SF3B1: variants seen among roughly 807,000 people sequenced by gnomAD.
SF3B1 encodes pre-mRNA processing 10.
In SF3B1, 12 loss-of-function variants were observed where a neutral mutation model predicts 153.8. That is an observed-to-expected ratio of 0.08 (90% CI 0.05 to 0.13). The LOEUF (loss-of-function observed/expected upper bound fraction) is 0.13. Among genes scored for constraint, SF3B1 ranks in the 10% least tolerant of loss-of-function variants. The pLI, the probability that SF3B1 is intolerant of heterozygous loss-of-function variation, is 1.00. For missense variants in SF3B1, 513 were observed against 1,606.1 expected, an observed-to-expected ratio of 0.32 and a Z score of 11.63; for synonymous variants, 498 against 525.2, an observed-to-expected ratio of 0.95 and a Z score of 0.71.
rs143163246 is a variant in SF3B1, at chr2:197,393,511, G to A, written c.3540-323C>T. On this transcript the variant is annotated intron_variant, in intron 23 of 24. Transcript: ENST00000335508. Reference sequence around the variant, plus strand: ...TCTGTCACCCAGACTGGAGTGCAGTGGTGTGATCTTGGCTCACTGCAACCT... The same window carrying A: ...TCTGTCACCCAGACTGGAGTGCAGTAGTGTGATCTTGGCTCACTGCAACCT... Among the ~76,000 whole-genome samples the A allele has an allele frequency of 9.2e-3, 1,383 of 150,940 alleles. 27 individuals carry two copies. Among genetic ancestry groups the A allele is most frequent in the African/African-American group, 0.032 (1,317 of 41,032 alleles).
intron 7 of SF3B1, among the ~76,000 whole-genome samples, chr2:197,409,424 T>A (rs2085037210): frequency 6.6e-6 from 1 of 151,286 alleles, no homozygotes; most frequent in Non-Finnish European, 1.5e-5. Flanking sequence ...TAGCCAGGCA[T>A]GGTGGCATGC....
chr2:197,425,893 G>A (rs914822741), intron 1 of SF3B1, among the ~76,000 whole-genome samples: 2 of 151,934 alleles, frequency 1.3e-5, no homozygotes, highest in African/African-American at 4.8e-5. Context: ...CTGCCACTTA[G>A]GGGGCTCAGG....
At chr2:197,408,649 AAC>A in intron 7 of SF3B1, 68 bp from the exon 8 acceptor site, 1 of 1,068,568 alleles carries the variant, frequency 9.4e-7, no homozygotes, top group Non-Finnish European at 1.4e-6. Context: ...TTTATTCTCA[AAC>A]AGTTATACTC....
chr2:197,401,701 G>T lies in SF3B1; in HGVS notation c.2370+41C>A. On this transcript the variant is annotated intron_variant, in intron 16 of 24. Transcript: ENST00000335508. The surrounding 1 kb of genome is among the most constrained non-coding windows in gnomAD (Gnocchi z 4.2). ...CACTTTAAAATTCTGTTAGAACCATGAAACATATCCAGTTTACATTAACAA... is the reference window on the plus strand; with the variant it reads ...CACTTTAAAATTCTGTTAGAACCATTAAACATATCCAGTTTACATTAACAA... 1 of 1,576,028 alleles carries T rather than the reference G, an allele frequency of 6.3e-7. No homozygotes were observed. Among genetic ancestry groups the T allele is most frequent in the South Asian group, 1.2e-5 (1 of 85,820 alleles).
chr2:197,392,922 A>G, intron 24 of SF3B1, 50 bp downstream of exon 24: 2 of 1,024,110 alleles, frequency 2.0e-6, no homozygotes, highest in Middle Eastern at 2.7e-4. Context: ...AACTTAAAGT[A>G]TTATTTAAAA....
At chr2:197,408,264 T>C in intron 8 of SF3B1, 105 bp downstream of exon 8, 2 of 1,290,284 alleles carry the variant, frequency 1.6e-6, no homozygotes, top group Non-Finnish European at 2.2e-6. Context: ...TATATCTCCT[T>C]ATTCTTACTA....
intron 1 of SF3B1, among the ~76,000 whole-genome samples, chr2:197,429,065 G>A (rs2085384028): frequency 6.6e-6 from 1 of 152,022 alleles, no homozygotes; most frequent in African/African-American, 2.4e-5. Context: ...GAAGACTTGA[G>A]GCAAAGAAAC....
At chr2:197,394,643 C>T (rs1486282764) in intron 23 of SF3B1, among the ~76,000 whole-genome samples, 5 of 152,216 alleles carry the variant, frequency 3.3e-5, no homozygotes, top group African/African-American at 7.2e-5. Context: ...CGGTGGCTCA[C>T]GCCTGTAATC....
intron 22 of SF3B1, 68 bp from the exon 23 acceptor site, chr2:197,396,396 C>T: frequency 7.4e-7 from 1 of 1,348,662 alleles, no homozygotes; most frequent in South Asian, 1.4e-5. Flanking sequence ...GAAAAAAATG[C>T]ATAAAGATGA....
At chr2:197,415,963 C>T (rs1341906313) in intron 6 of SF3B1, among the ~76,000 whole-genome samples, 1 of 150,126 alleles carries the variant, frequency 6.7e-6, no homozygotes, top group Non-Finnish European at 1.5e-5. Context: ...TACAGGCATG[C>T]ACCACTATGC....
chr2:197,401,395 C>CAGGTA lies in SF3B1; in HGVS notation c.2496+4_2496+5insTACCT. On this transcript the variant is annotated splice_donor_region_variant and intron_variant, in intron 17 of 24. Coordinates refer to ENST00000335508, the MANE Select transcript of SF3B1 (RefSeq NM_012433.4). This position sits in a 1 kb window ranked among gnomAD's most constrained non-coding sequence, Gnocchi z 4.2. ...TGAGAATATTCTTTTACAATAAAAG[C>CAGGTA]TTACCTGTCGGTAATTTCTTCTATC... The CAGGTA allele has an allele frequency of 6.3e-7, 1 of 1,591,436 alleles. No individual in the cohort carries two copies. Among genetic ancestry groups the CAGGTA allele is most frequent in the East Asian group, 2.2e-5 (1 of 44,636 alleles).
At chr2:197,419,821 G>C in intron 4 of SF3B1, 1 of 226,008 alleles carries the variant, frequency 4.4e-6, no homozygotes, top group Non-Finnish European at 8.8e-6. Flanking sequence ...ACCTAATTTT[G>C]ATTGTGAAAC....
Position 197,416,853 on chromosome 2 carries a change from T to C in SF3B1, c.554A>G (p.Asn185Ser). ...TGGAGGCTGGGACGCTGCTGCTCCA[T>C]TGACGACTTTTAGTTCTCCAGCTTT... ...KAKAGELKVVNGAAASQPPSK... is the reference protein window; with the variant it reads ...KAKAGELKVVSGAAASQPPSK... The change falls in exon 6 of 25, where the codon AAT becomes AGT. Residue 185 changes from asparagine (N) to serine (S), a missense_variant. Asn to Ser is a conservative substitution (Grantham distance 46, BLOSUM62 1). Transcript: ENST00000335508. The C allele has an allele frequency of 2.5e-6, 4 of 1,614,122 alleles. No homozygotes were observed. The highest frequency in any genetic ancestry group is 1.1e-5 in the South Asian group (1 of 91,082).
At chr2:197,421,527 A>G (rs1197886502) in intron 2 of SF3B1, among the ~76,000 whole-genome samples, 1 of 152,218 alleles carries the variant, frequency 6.6e-6, no homozygotes, top group Non-Finnish European at 1.5e-5. Flanking sequence ...TTTAACAACC[A>G]TAGAAACAAA....
Position 197,401,032 on chromosome 2 carries a change from T to C in SF3B1, c.2497-96A>G. Reference sequence around the variant, plus strand: ...CCAAATACTCTAAATATACTACTTATTTAGCTAATAAACATGGTAAGAATG... The same window carrying C: ...CCAAATACTCTAAATATACTACTTACTTAGCTAATAAACATGGTAAGAATG... On this transcript the variant is annotated intron_variant, in intron 17 of 24. Coordinates refer to ENST00000335508, the MANE Select transcript of SF3B1 (RefSeq NM_012433.4). This position sits in a 1 kb window ranked among gnomAD's most constrained non-coding sequence, Gnocchi z 4.2. The C allele has an allele frequency of 1.4e-6, 1 of 707,324 alleles. No individual in the cohort carries two copies. Among genetic ancestry groups the C allele is most frequent in the South Asian group, 1.9e-5 (1 of 53,356 alleles). 43.8% of individuals were successfully genotyped at this position (707,324 alleles called of 1,614,324 possible).
intron 2 of SF3B1, among the ~76,000 whole-genome samples, chr2:197,422,052 C>T (rs904878936): frequency 1.3e-5 from 2 of 152,020 alleles, no homozygotes; most frequent in East Asian, 1.9e-4. Flanking sequence ...ATAAAAAGTG[C>T]AACACGGGGT....
At chr2:197,430,757 C>A (rs1010792934) in intron 1 of SF3B1, among the ~76,000 whole-genome samples, 2 of 151,932 alleles carry the variant, frequency 1.3e-5, no homozygotes. Flanking sequence ...CCCAGCCTAC[C>A]CTAGTGTTAT....
At chr2:197,422,511 C>A (rs1285242324) in intron 2 of SF3B1, among the ~76,000 whole-genome samples, 2 of 151,882 alleles carry the variant, frequency 1.3e-5, no homozygotes, top group African/African-American at 4.8e-5. Context: ...CATACGTAAC[C>A]TGCACATTGT....
chr2:197,410,333 T>C (rs1038080062), intron 6 of SF3B1, among the ~76,000 whole-genome samples: 6 of 152,156 alleles, frequency 3.9e-5, no homozygotes, highest in African/African-American at 1.4e-4. Context: ...TCTAGATCAG[T>C]AATCGAAGGC....
Sources: allele counts gnomAD v4.1 joint callset (sites outside exome capture counted in the v4.1 genomes callset), GRCh38; gene constraint gnomAD v4.1.1; non-coding constraint Gnocchi (gnomAD v3.1); transcripts MANE v1.5; gene names NCBI Gene and HGNC (gene_info 2026-07-23, HGNC 2026-07-21).